NELFA: variants seen among roughly 807,000 people sequenced by gnomAD.
The protein encoded by NELFA is negative elongation factor complex member A, also known as negative elongation factor A.
Under a neutral mutation model 51.8 loss-of-function variants are expected in NELFA, and 35 were observed. The observed-to-expected ratio is 0.68, with a 90% CI of 0.52 to 0.90. The LOEUF (loss-of-function observed/expected upper bound fraction) is 0.90, where lower values mean the gene tolerates loss of function less well. Among genes scored for constraint, NELFA ranks in the 40% least tolerant of loss-of-function variants. The pLI is 0.00. For synonymous variants in NELFA, 417 were observed against 338.4 expected (o/e 1.23, Z -2.55); for missense variants, 658 against 746.4 (o/e 0.88, Z 1.38).
At chr4:1,988,227 G>C (rs1266533923) in intron 3 of NELFA, among the ~76,000 whole-genome samples, 1 of 152,214 alleles carries the variant, frequency 6.6e-6, no homozygotes, top group East Asian at 1.9e-4. Flanking sequence ...CTGGGTGGCT[G>C]TGGCTGCACC....
At position 1,995,686 on chromosome 4, in the gene NELFA, A is replaced by G. The variant is rs140219099; in HGVS notation, c.211-3971T>C. Among the ~76,000 whole-genome samples the G allele has an allele frequency of 3.6e-3, 545 of 152,276 alleles. 6 individuals carry two copies. The highest frequency in any genetic ancestry group is 0.012 in the African/African-American group (508 of 41,550). On this transcript the variant is annotated intron_variant, in intron 1 of 10. Transcript: ENST00000382882. ...ATGTTAGATGGAAGCAGATTTTAAG[A>G]ACAAAACATTACTAAATACAGAGAA...
Position 1,992,635 on chromosome 4 carries a change from C to G in NELFA, c.211-920G>C, listed in dbSNP as rs530306744. 3.3e-5 allele frequency: 7 copies of G among 215,210 alleles called. 1 individual carries two copies. The highest frequency in any genetic ancestry group is 3.0e-4 in the South Asian group (7 of 23,056). The allele number at this position is 215,210 out of a possible 1,614,324, so 13.3% of individuals were successfully genotyped here. ...GCCCCAGGCCTTCCTGACACCCACT[C>G]CCTGCGTCAGGCGCCAGAGACCCGT... On this transcript the variant is annotated intron_variant, in intron 1 of 10. Coordinates refer to ENST00000382882, the MANE Select transcript of NELFA (RefSeq NM_005663.5).
chr4:1,988,654 G>A lies in NELFA; in HGVS notation c.545-647C>T, dbSNP rs151191924. Among the ~76,000 whole-genome samples, 19 of 152,380 alleles carry A rather than the reference G, an allele frequency of 1.2e-4. No individual in the cohort carries two copies. The East Asian group carries it at 3.5e-3, about 28-fold the overall frequency. On this transcript the variant is annotated intron_variant, in intron 3 of 10. Transcript: ENST00000382882. The stretch of plus-strand genomic sequence containing the variant: ...CCTTTTATTTGGATTCTCTGGAAAC[G>A]GGGTATTGATGTACATTATAAATAT...
chr4:1,991,262 C>T (rs972770155), intron 2 of NELFA, among the ~76,000 whole-genome samples: 6 of 152,182 alleles, frequency 3.9e-5, no homozygotes, highest in Non-Finnish European at 8.8e-5. Context: ...CCTACCCTCA[C>T]GGAGCCGACC....
intron 1 of NELFA, chr4:2,003,874 C>T (rs1398852995): frequency 2.0e-5 from 3 of 149,198 alleles, no homozygotes; most frequent in Admixed American, 6.7e-5. Context: ...AAATAAAGGC[C>T]GGGAGCAGTG....
At chr4:1,997,583 C>T (rs915076686) in intron 1 of NELFA, among the ~76,000 whole-genome samples, 31 of 152,162 alleles carry the variant, frequency 2.0e-4, no homozygotes, top group Admixed American at 7.9e-4. Context: ...CCACTAGGAT[C>T]GCTATATCAA....
chr4:2,004,538 A>G (rs1728659775), intron 1 of NELFA, among the ~76,000 whole-genome samples: 1 of 152,032 alleles, frequency 6.6e-6, no homozygotes, highest in South Asian at 2.1e-4. Flanking sequence ...GCCAGGCTAG[A>G]GTGCAGTGAT....
chr4:2,002,063 G>A (rs1054939422), intron 1 of NELFA, among the ~76,000 whole-genome samples: 2 of 152,006 alleles, frequency 1.3e-5, no homozygotes, highest in East Asian at 1.9e-4. Flanking sequence ...AGCCAGGCAT[G>A]GTGGCGGGCG....
At chr4:1,995,486 A>G (rs933979823) in intron 1 of NELFA, among the ~76,000 whole-genome samples, 1 of 152,238 alleles carries the variant, frequency 6.6e-6, no homozygotes. Flanking sequence ...ATGTCTTATA[A>G]ACCTTTTTTT....
chr4:1,986,723 G>A (rs182504710), intron 4 of NELFA, among the ~76,000 whole-genome samples: 1 of 152,274 alleles, frequency 6.6e-6, no homozygotes, highest in East Asian at 1.9e-4. Context: ...ACCGGCAGGG[G>A]CATGAAGCCA....
Position 1,983,954 on chromosome 4 carries a change from G to A in NELFA, c.1196C>T (p.Thr399Ile). The A allele has an allele frequency of 1.9e-6, 3 of 1,611,696 alleles. No individual in the cohort carries two copies. The highest frequency in any genetic ancestry group is 2.5e-6 in the Non-Finnish European group (3 of 1,179,508). ...AGTGGTAGGGGCGACAGCCGGAGGT[G>A]TGGTGGGTGTCAGAGGCGAGGTGGG... Reference protein sequence around the residue: ...AAPTSPLTPTTPPAVAPTTQT... With the variant: ...AAPTSPLTPTIPPAVAPTTQT... Residue 399 changes from threonine (T) to isoleucine (I), a missense_variant, in exon 9 of 11, where the codon ACA becomes ATA. Thr to Ile is a moderately conservative substitution (Grantham distance 89). Coordinates refer to ENST00000382882, the MANE Select transcript of NELFA (RefSeq NM_005663.5).
intron 2 of NELFA, 74 bp downstream of exon 2, chr4:1,991,470 T>A (rs1728266307): frequency 6.6e-7 from 1 of 1,521,174 alleles, no homozygotes; most frequent in African/African-American, 1.4e-5. Flanking sequence ...AAAATCAAAT[T>A]CATTTCAGAA....
At chr4:1,983,722 C>A in intron 9 of NELFA, 27 bp from the exon 10 acceptor site, 3 of 1,611,498 alleles carry the variant, frequency 1.9e-6, no homozygotes, top group Non-Finnish European at 2.5e-6. Flanking sequence ...GGTGTGGGTG[C>A]CAGGGCCCCG....
intron 1 of NELFA, among the ~76,000 whole-genome samples, chr4:2,008,369 G>C (rs1253613959): frequency 2.6e-5 from 4 of 151,756 alleles, no homozygotes; most frequent in Non-Finnish European, 5.9e-5. Context: ...CCCGGGGCCC[G>C]GCGGGGAGGA....
intron 7 of NELFA, 128 bp from the exon 8 acceptor site, chr4:1,985,047 C>A: frequency 1.5e-6 from 1 of 667,370 alleles, no homozygotes; most frequent in Non-Finnish European, 2.5e-6. Flanking sequence ...AAGGCGGGGG[C>A]CACTCTCCCG....
intron 1 of NELFA, chr4:1,992,462 G>A: frequency 2.3e-6 from 1 of 435,786 alleles, no homozygotes; most frequent in South Asian, 1.6e-5. Flanking sequence ...CCCCTCCCAC[G>A]AGGAAACGCA....
intron 8 of NELFA, 67 bp from the exon 9 acceptor site, chr4:1,984,180 T>A: frequency 7.0e-7 from 1 of 1,433,982 alleles, no homozygotes; most frequent in Non-Finnish European, 9.1e-7. Flanking sequence ...CTAGTGCTCC[T>A]GGAGGTGACA....
chr4:1,993,128 C>T (rs1728323874), intron 1 of NELFA, among the ~76,000 whole-genome samples: 2 of 152,208 alleles, frequency 1.3e-5, no homozygotes, highest in Non-Finnish European at 2.9e-5. Flanking sequence ...CCTACGCCTG[C>T]CAAGAGGCAA....
chr4:1,990,112 C>G (rs751247556), intron 2 of NELFA: 1 of 552,238 alleles, frequency 1.8e-6, no homozygotes, highest in East Asian at 3.1e-5. Flanking sequence ...CTGGAAACCT[C>G]TGGCACCGCG....
Sources: gnomAD v4.1 joint callset for allele counts (sites outside exome capture counted in the v4.1 genomes callset) on GRCh38, gnomAD v4.1.1 for gene constraint, MANE v1.5 for transcripts, NCBI Gene and HGNC (gene_info 2026-07-23, HGNC 2026-07-21) for gene names.